Variants in SLC7A14 observed in about 807,000 individuals in gnomAD.
The protein encoded by SLC7A14 is solute carrier family 7 member 14.
Under a neutral mutation model 60.2 loss-of-function variants are expected in SLC7A14, and 37 were observed. The observed-to-expected ratio is 0.61, with a 90% CI of 0.47 to 0.81. The LOEUF is 0.81. Ranked by LOEUF, SLC7A14 falls within the 30% of genes least tolerant of loss-of-function variation. SLC7A14 has a pLI of 0.00. For missense variants in SLC7A14, 886 were observed against 982.7 expected, an observed-to-expected ratio of 0.90 and a Z score of 1.32; for synonymous variants, 399 against 395.8, an observed-to-expected ratio of 1.01 and a Z score of -0.10.
At chr3:170,515,608 G>C (rs1219963513) in intron 2 of SLC7A14, among the ~76,000 whole-genome samples, 1 of 151,252 alleles carries the variant, frequency 6.6e-6, no homozygotes, top group Non-Finnish European at 1.5e-5. Flanking sequence ...ATGCTAGCTG[G>C]GGTTAGGATG....
chr3:170,525,580 T>G (rs1713466870), intron 2 of SLC7A14, among the ~76,000 whole-genome samples: 1 of 152,030 alleles, frequency 6.6e-6, no homozygotes, highest in South Asian at 2.1e-4. Context: ...ATTTACTGAC[T>G]TGTCATTTTG....
At chr3:170,496,669 A>AT (rs1712407780) in intron 4 of SLC7A14, 1 of 1,188,000 alleles carries the variant, frequency 8.4e-7, no homozygotes, top group African/African-American at 1.5e-5. Context: ...GAGTATCCAT[A>AT]GGAAGACCAC....
intron 2 of SLC7A14, among the ~76,000 whole-genome samples, chr3:170,515,168 C>A (rs1248489691): frequency 2.0e-5 from 3 of 151,846 alleles, no homozygotes; most frequent in African/African-American, 7.3e-5. Context: ...CAAAAATTAT[C>A]CCTGCAGGGT....
intron 1 of SLC7A14, among the ~76,000 whole-genome samples, chr3:170,564,617 A>G (rs1186100165): frequency 6.6e-6 from 1 of 152,256 alleles, no homozygotes; most frequent in Non-Finnish European, 1.5e-5. Context: ...AAGCCAGACA[A>G]GTCTGTGTTA....
rs1192514179 is a variant in SLC7A14 at position 170,568,230 on chromosome 3, T to A, written c.-153+17681A>T. Among the ~76,000 whole-genome samples, 4 of 152,204 alleles carry A rather than the reference T, an allele frequency of 2.6e-5. No individual in the cohort carries two copies. In the South Asian group the frequency reaches 8.3e-4, roughly 31 times the overall value. ...CCAGTTTCAGCTTTCTACATATGGC[T>A]AGCCAGTTTTCCCAGTACCATTTAT... On this transcript the variant is annotated intron_variant, in intron 1 of 7. Transcript: ENST00000231706.
chr3:170,500,164 CG>C (rs1429597783), intron 3 of SLC7A14, among the ~76,000 whole-genome samples: 2 of 152,004 alleles, frequency 1.3e-5, no homozygotes, highest in South Asian at 2.1e-4. Context: ...GGAGAGTGGC[CG>C]GGCACAGTGG....
At chr3:170,558,945 G>C (rs1376079292) in intron 1 of SLC7A14, among the ~76,000 whole-genome samples, 1 of 152,162 alleles carries the variant, frequency 6.6e-6, no homozygotes, top group East Asian at 1.9e-4. Context: ...GTGTGGGCCT[G>C]TTAAACTGAA....
Position 170,480,525 on chromosome 3 carries a change from C to T in SLC7A14, c.1757G>A (p.Gly586Asp), listed in dbSNP as rs1468488622. 3.7e-6 allele frequency: 6 copies of T among 1,614,166 alleles called. No homozygotes were observed. The Middle Eastern group carries it at 9.9e-4, about 266-fold the overall frequency. Residue 586 changes from glycine (G) to aspartate (D), a missense_variant, in exon 7 of 8, where the codon GGT becomes GAT. Transcript: ENST00000231706. The stretch of plus-strand genomic sequence containing the variant: ...GCTCTGCTCTGAGATGTAGTCAGAA[C>T]CAAAGATGATGAAGGAGCAGAAGAT... ...MFIFCSFIIF[G>D]SDYISEQSWW... is the part of the protein sequence containing the mutation.
At chr3:170,509,877 G>A (rs1344077438) in intron 2 of SLC7A14, among the ~76,000 whole-genome samples, 2 of 151,938 alleles carry the variant, frequency 1.3e-5, no homozygotes, top group Non-Finnish European at 1.5e-5. Context: ...TCGGGAGTTC[G>A]AGACCAGCCT....
intron 1 of SLC7A14, among the ~76,000 whole-genome samples, chr3:170,547,270 A>G (rs1457488991): frequency 6.6e-6 from 1 of 152,070 alleles, no homozygotes; most frequent in East Asian, 1.9e-4. Context: ...AATATTTTTT[A>G]TCTCCTATAA....
intron 2 of SLC7A14, among the ~76,000 whole-genome samples, chr3:170,517,150 A>T (rs1713184935): frequency 6.6e-6 from 1 of 152,240 alleles, no homozygotes; most frequent in Admixed American, 6.5e-5. Context: ...GCCTAATAAC[A>T]ATAAAACTGA....
chr3:170,473,601 AC>A (rs1711513761), intron 7 of SLC7A14, among the ~76,000 whole-genome samples: 1 of 152,188 alleles, frequency 6.6e-6, no homozygotes, highest in South Asian at 2.1e-4. Context: ...TCCAAAACAG[AC>A]ATTTGCCGAA....
intron 1 of SLC7A14, among the ~76,000 whole-genome samples, chr3:170,549,216 T>TC (rs1007974792): frequency 9.3e-5 from 12 of 128,372 alleles, no homozygotes; most frequent in East Asian, 2.0e-4. Context: ...GCCTTCTTCT[T>TC]TTTTTTTTTT....
At chr3:170,568,887 T>C (rs1714867813) in intron 1 of SLC7A14, among the ~76,000 whole-genome samples, 1 of 152,252 alleles carries the variant, frequency 6.6e-6, no homozygotes, top group South Asian at 2.1e-4. Flanking sequence ...CTGAAGTTGC[T>C]TATCAGCTTA....
chr3:170,481,074 C>G lies in SLC7A14; in HGVS notation c.1208G>C (p.Ser403Thr). ...FLAALLALLV[S>T]LRDLIEMMSI... The stretch of plus-strand genomic sequence containing the variant: ...CATCATCTCTATCAGGTCTCTCAAG[C>G]TGACCAACAGTGCGAGGAGCGCTGC... The change falls in exon 7 of 8, where the codon AGC (serine) becomes ACC (threonine). Residue 403 changes from serine to threonine, a missense_variant. Transcript: ENST00000231706. 1 of 1,614,152 alleles carries G rather than the reference C, an allele frequency of 6.2e-7. No individual in the cohort carries two copies. The highest frequency in any genetic ancestry group is 8.5e-7 in the Non-Finnish European group (1 of 1,180,026).
intron 1 of SLC7A14, among the ~76,000 whole-genome samples, chr3:170,563,102 T>C (rs1025228126): frequency 1.3e-5 from 2 of 152,154 alleles, no homozygotes; most frequent in African/African-American, 4.8e-5. Flanking sequence ...CTTTAATGGT[T>C]AATGTGCTGA....
intron 4 of SLC7A14, among the ~76,000 whole-genome samples, chr3:170,487,062 A>T (rs1171215013): frequency 6.8e-6 from 1 of 148,084 alleles, no homozygotes; most frequent in Non-Finnish European, 1.5e-5. Flanking sequence ...CTGGGAAGAC[A>T]TGGTAAAGAC....
intron 6 of SLC7A14, among the ~76,000 whole-genome samples, chr3:170,482,908 T>C (rs1214392171): frequency 6.6e-6 from 1 of 152,108 alleles, no homozygotes; most frequent in East Asian, 1.9e-4. Flanking sequence ...GTTGACTTTT[T>C]TTTTTTTTCA....
At chr3:170,583,092 A>G (rs1029578311) in intron 1 of SLC7A14, among the ~76,000 whole-genome samples, 4 of 152,218 alleles carry the variant, frequency 2.6e-5, no homozygotes, top group African/African-American at 9.6e-5. Flanking sequence ...AGGTCTTATT[A>G]GGGCCTTTTC....
Sources: gnomAD v4.1 joint callset for allele counts (sites outside exome capture counted in the v4.1 genomes callset) on GRCh38, gnomAD v4.1.1 for gene constraint, MANE v1.5 for transcripts, NCBI Gene and HGNC (gene_info 2026-07-23, HGNC 2026-07-21) for gene names.